MYO16: variants seen among roughly 807,000 people sequenced by gnomAD.
MYO16 encodes myosin XVI, also known as unconventional myosin-XVI.
A neutral mutation model predicts 205.3 loss-of-function variants in MYO16; 94 were observed. The ratio of observed to expected loss-of-function variants is 0.46; its 90% CI spans 0.39 to 0.54. The LOEUF (loss-of-function observed/expected upper bound fraction) is 0.54. MYO16 is among the 20% of genes least tolerant of loss of function. The pLI is 0.00. For missense variants in MYO16, 2,315 were observed against 2,387.5 expected, an observed-to-expected ratio of 0.97 and a Z score of 0.63; for synonymous variants, 988 against 954.0, an observed-to-expected ratio of 1.04 and a Z score of -0.66.
chr13:109,017,605 A>G (rs973633401), intron 22 of MYO16, among the ~76,000 whole-genome samples: 3 of 152,068 alleles, frequency 2.0e-5, no homozygotes, highest in Non-Finnish European at 4.4e-5. Context: ...ACACCAATCA[A>G]ACGTAGATTT....
At chr13:109,121,722 A>G (rs1188399669) in intron 29 of MYO16, among the ~76,000 whole-genome samples, 1 of 152,196 alleles carries the variant, frequency 6.6e-6, no homozygotes, top group African/African-American at 2.4e-5. Context: ...ATCACAGTGC[A>G]CAGTGGCCCC....
At chr13:108,834,249 C>G (rs1477086795) in intron 9 of MYO16, among the ~76,000 whole-genome samples, 1 of 152,100 alleles carries the variant, frequency 6.6e-6, no homozygotes, top group Non-Finnish European at 1.5e-5. Flanking sequence ...GGACTTTCAT[C>G]AAGGTGATTA....
chr13:108,545,665 AT>A, the MYO16 span, among the ~76,000 whole-genome samples: 28 of 151,498 alleles, frequency 1.8e-4, no homozygotes, highest in Non-Finnish European at 3.4e-4. Flanking sequence ...AGCATCTGTT[AT>A]TTTTTTTTAC....
chr13:108,827,224 C>T (rs772894191), intron 9 of MYO16, among the ~76,000 whole-genome samples: 9 of 152,098 alleles, frequency 5.9e-5, no homozygotes, highest in Non-Finnish European at 1.2e-4. Flanking sequence ...CTTCCTATTC[C>T]TTTGCATTCT....
intron 20 of MYO16, among the ~76,000 whole-genome samples, chr13:108,986,714 A>T (rs1212276563): frequency 2.0e-5 from 3 of 150,978 alleles, no homozygotes; most frequent in Admixed American, 2.0e-4. Flanking sequence ...TTGATCTGTT[A>T]TTATGTATAC....
At chr13:108,901,884 C>A (rs9301330) in intron 15 of MYO16, among the ~76,000 whole-genome samples, 49,729 of 151,946 alleles carry the variant, frequency 0.33, 8,770 homozygotes, top group Non-Finnish European at 0.4. Flanking sequence ...TGGTAGGACC[C>A]ACAGTGCCCT....
At chr13:108,836,986 G>A (rs1241721135) in intron 9 of MYO16, among the ~76,000 whole-genome samples, 1 of 152,114 alleles carries the variant, frequency 6.6e-6, no homozygotes, top group Admixed American at 6.6e-5. Context: ...AAGGCATGAT[G>A]TTTGAAATGT....
chr13:108,671,179 G>A (rs993416804), intron 2 of MYO16, among the ~76,000 whole-genome samples: 4 of 152,134 alleles, frequency 2.6e-5, no homozygotes, highest in Non-Finnish European at 4.4e-5. Flanking sequence ...AGAAAGGACT[G>A]GATAGAAAAG....
intron 12 of MYO16, among the ~76,000 whole-genome samples, chr13:108,881,480 G>A (rs888046044): frequency 6.6e-6 from 1 of 152,188 alleles, no homozygotes; most frequent in African/African-American, 2.4e-5. Flanking sequence ...CAGATGATAG[G>A]TAATAACAAA....
At chr13:108,777,704 C>T (rs1886167709) in intron 4 of MYO16, among the ~76,000 whole-genome samples, 1 of 152,212 alleles carries the variant, frequency 6.6e-6, no homozygotes, top group Admixed American at 6.5e-5. Context: ...AGAGCCACCA[C>T]TGTAAATCTG....
chr13:108,806,734 A>G lies in MYO16; in HGVS notation c.797A>G (p.His266Arg), dbSNP rs1887126276. 1 of 1,613,070 alleles carries G rather than the reference A, an allele frequency of 6.2e-7. No individual in the cohort carries two copies. The change falls in exon 7 of 35, where the codon CAT becomes CGT. Residue 266 changes from histidine (H) to arginine (R), a missense_variant. This residue lies in a region of MYO16 where 1,213 missense variants were observed against 1,274.4 expected (regional missense o/e 0.95). Coordinates refer to ENST00000457511, the MANE Select transcript of MYO16 (RefSeq NM_001198950.3). Reference protein sequence around the residue: ...YKEVVSLILEHGGDLNIVDDQ... With the variant: ...YKEVVSLILERGGDLNIVDDQ... ...GAGGTGGTGTCTCTTATCCTGGAAC[A>G]TGGTGGAGACCTCAACATAGTAGAT...
intron 4 of MYO16, among the ~76,000 whole-genome samples, chr13:108,769,766 G>A (rs1885901227): frequency 6.6e-6 from 1 of 152,102 alleles, no homozygotes; most frequent in African/African-American, 2.4e-5. Context: ...GACAAGTATG[G>A]CAAGAGAGAG....
intron 9 of MYO16, among the ~76,000 whole-genome samples, chr13:108,831,966 G>C (rs1876644273): frequency 6.6e-6 from 1 of 152,122 alleles, no homozygotes; most frequent in Admixed American, 6.5e-5. Context: ...ACTATTCTTA[G>C]TTTCTGAGGT....
chr13:108,613,392 A>G (rs1471308076), intron 1 of MYO16, among the ~76,000 whole-genome samples: 1 of 152,144 alleles, frequency 6.6e-6, no homozygotes, highest in African/African-American at 2.4e-5. Context: ...ATTTCTTGAT[A>G]TCTAGTTAGG....
At chr13:108,707,310 T>C (rs1352303735) in intron 2 of MYO16, among the ~76,000 whole-genome samples, 1 of 152,032 alleles carries the variant, frequency 6.6e-6, no homozygotes. Context: ...CAATGGAACA[T>C]AGGGATCAAT....
chr13:109,204,991 C>T (rs554230140), intron 34 of MYO16, among the ~76,000 whole-genome samples: 1 of 152,244 alleles, frequency 6.6e-6, no homozygotes, highest in East Asian at 1.9e-4. Context: ...CTGGCTTCCA[C>T]AAGCATCTGC....
intron 4 of MYO16, among the ~76,000 whole-genome samples, chr13:108,772,022 A>G (rs945337613): frequency 6.6e-6 from 1 of 152,166 alleles, no homozygotes; most frequent in Admixed American, 6.5e-5. Context: ...AAGGGGCATG[A>G]TTTCTGGGTC....
chr13:108,575,608 A>C, the MYO16 span, among the ~76,000 whole-genome samples: 1 of 151,950 alleles, frequency 6.6e-6, no homozygotes, highest in South Asian at 2.1e-4. Context: ...TAAACTCTCT[A>C]CTGAAATTTT....
At chr13:109,059,818 T>C (rs1321332678) in intron 27 of MYO16, among the ~76,000 whole-genome samples, 1 of 152,178 alleles carries the variant, frequency 6.6e-6, no homozygotes, top group African/African-American at 2.4e-5. Context: ...GGTGTTTTAG[T>C]CATGAAGTCC....
Sources: gnomAD v4.1 joint callset for allele counts (sites outside exome capture counted in the v4.1 genomes callset) on GRCh38, gnomAD v4.1.1 for gene constraint, gnomAD v4.1.1 regional missense constraint, MANE v1.5 for transcripts, NCBI Gene and HGNC (gene_info 2026-07-23, HGNC 2026-07-21) for gene names.